The following BANK1 variants were observed in gnomAD, a reference collection of about 807,000 sequenced individuals.
The protein encoded by BANK1 is B cell scaffold protein with ankyrin repeats 1.
BANK1 carries 95 observed loss-of-function variants against 94.5 expected under a neutral mutation model. The ratio of observed to expected loss-of-function variants is 1.00; its 90% CI spans 0.85 to 1.19. The LOEUF is 1.19. BANK1 is among the 50% of genes most tolerant of loss of function. The pLI is 0.00. For synonymous variants in BANK1, 334 were observed against 308.4 expected, an observed-to-expected ratio of 1.08 and a Z score of -0.87; for missense variants, 987 against 932.2, an observed-to-expected ratio of 1.06 and a Z score of -0.77.
intron 1 of BANK1, among the ~76,000 whole-genome samples, chr4:101,823,558 T>C (rs1726253376): frequency 2.0e-5 from 3 of 152,208 alleles, no homozygotes; most frequent in Non-Finnish European, 4.4e-5. Flanking sequence ...TTGTGTTTTA[T>C]TCAATTTTAT....
At chr4:101,791,530 G>T (rs1428895768) in intron 1 of BANK1, among the ~76,000 whole-genome samples, 1 of 152,132 alleles carries the variant, frequency 6.6e-6, no homozygotes, top group Admixed American at 6.5e-5. Flanking sequence ...TGCAGAAGTA[G>T]ATTTATATTT....
At chr4:101,839,943 T>A (rs1726973036) in intron 2 of BANK1, among the ~76,000 whole-genome samples, 287 of 14,690 alleles carry the variant, frequency 0.02, 18 homozygotes, top group African/African-American at 0.087. Flanking sequence ...TTTAATTTTT[T>A]TTTTTTTTTT....
intron 4 of BANK1, among the ~76,000 whole-genome samples, chr4:101,863,849 G>C (rs530455835): frequency 1.3e-5 from 2 of 152,136 alleles, no homozygotes; most frequent in South Asian, 2.1e-4. Context: ...AATTTAGTTA[G>C]ACTAAAGACA....
chr4:101,985,364 T>C (rs1725447561), intron 7 of BANK1, among the ~76,000 whole-genome samples: 1 of 152,158 alleles, frequency 6.6e-6, no homozygotes, highest in African/African-American at 2.4e-5. Flanking sequence ...AAAAACGCCT[T>C]CACAGATCCA....
At position 101,981,146 on chromosome 4, in the gene BANK1, C is replaced by T. The variant is rs1024523280; in HGVS notation, c.1207-40368C>T. Among the ~76,000 whole-genome samples the T allele has an allele frequency of 4.6e-5, 7 of 151,962 alleles. No homozygotes were observed. In the East Asian group the frequency reaches 7.7e-4, roughly 17 times the overall value. Reference sequence around the variant, plus strand: ...ATAGTGGGCATCCTTGCCTTGTTTCCAACTTTAGTGAAAATGCCTCTATTA... The same window carrying T: ...ATAGTGGGCATCCTTGCCTTGTTTCTAACTTTAGTGAAAATGCCTCTATTA... On this transcript the variant is annotated intron_variant, in intron 7 of 16. Transcript: ENST00000322953.
chr4:102,071,804 G>C (rs1728772055), intron 14 of BANK1, among the ~76,000 whole-genome samples: 1 of 152,176 alleles, frequency 6.6e-6, no homozygotes, highest in Non-Finnish European at 1.5e-5. Context: ...TAGTAAGGAG[G>C]AGCTAGACGT....
At chr4:101,890,159 T>G (rs754095757) in intron 5 of BANK1, among the ~76,000 whole-genome samples, 5 of 152,176 alleles carry the variant, frequency 3.3e-5, no homozygotes, top group Non-Finnish European at 7.4e-5. Context: ...GTGGTCTATG[T>G]ATGTGGATTG....
intron 7 of BANK1, among the ~76,000 whole-genome samples, chr4:101,921,583 C>A (rs1346162808): frequency 6.6e-6 from 1 of 151,828 alleles, no homozygotes; most frequent in African/African-American, 2.4e-5. Context: ...ATATGTCACC[C>A]CATCCATTCC....
chr4:101,855,678 G>A (rs1381520850), intron 3 of BANK1, among the ~76,000 whole-genome samples: 1 of 152,152 alleles, frequency 6.6e-6, no homozygotes, highest in African/African-American at 2.4e-5. Context: ...CAGTAAATAG[G>A]TTAAGGATCT....
At chr4:101,907,992 A>C (rs1238713092) in intron 6 of BANK1, among the ~76,000 whole-genome samples, 1 of 152,182 alleles carries the variant, frequency 6.6e-6, no homozygotes, top group Non-Finnish European at 1.5e-5. Flanking sequence ...AAGGTAATTT[A>C]TAGATTCAAT....
At chr4:101,969,444 A>C (rs754355149) in intron 7 of BANK1, among the ~76,000 whole-genome samples, 3 of 152,110 alleles carry the variant, frequency 2.0e-5, no homozygotes, top group Non-Finnish European at 4.4e-5. Context: ...TTATTTGATT[A>C]ATGTGCATAG....
intron 1 of BANK1, among the ~76,000 whole-genome samples, chr4:101,792,498 C>G (rs1725030800): frequency 6.7e-6 from 1 of 148,428 alleles, no homozygotes; most frequent in Admixed American, 6.7e-5. Flanking sequence ...AGAGCTCCCT[C>G]TCTCTCCAAC....
intron 7 of BANK1, among the ~76,000 whole-genome samples, chr4:102,000,322 CAAAAAAAA>C (rs3974642): frequency 1.5e-5 from 1 of 66,102 alleles, no homozygotes; most frequent in Non-Finnish European, 2.8e-5. Context: ...AACTCTGTCT[CAAAAAAAA>C]AAAAAAAAAA....
chr4:101,976,007 C>T (rs1725114184), intron 7 of BANK1, among the ~76,000 whole-genome samples: 2 of 152,068 alleles, frequency 1.3e-5, no homozygotes, highest in East Asian at 1.9e-4. Flanking sequence ...ATATCCTCCC[C>T]AAACCAGGGG....
At chr4:102,025,958 G>C (rs1727079558) in intron 9 of BANK1, among the ~76,000 whole-genome samples, 1 of 152,206 alleles carries the variant, frequency 6.6e-6, no homozygotes, top group Non-Finnish European at 1.5e-5. Context: ...AAATGCTAAT[G>C]ATCGACAATT....
intron 7 of BANK1, among the ~76,000 whole-genome samples, chr4:101,932,127 C>T (rs1322810365): frequency 6.6e-6 from 1 of 151,362 alleles, no homozygotes; most frequent in Non-Finnish European, 1.5e-5. Context: ...ATGTTAAATG[C>T]CTTGCAATGT....
chr4:101,855,966 A>G (rs1180505608), intron 3 of BANK1, among the ~76,000 whole-genome samples: 1 of 152,204 alleles, frequency 6.6e-6, no homozygotes. Context: ...ATCTGACTAT[A>G]TAATCTTAGG....
intron 2 of BANK1, among the ~76,000 whole-genome samples, chr4:101,852,604 A>G (rs979217560): frequency 6.7e-6 from 1 of 150,342 alleles, no homozygotes; most frequent in African/African-American, 2.4e-5. Flanking sequence ...CTAGAATAGG[A>G]GCCTACTAAA....
intron 7 of BANK1, among the ~76,000 whole-genome samples, chr4:102,003,335 G>A (rs1024117494): frequency 6.6e-6 from 1 of 152,160 alleles, no homozygotes; most frequent in African/African-American, 2.4e-5. Context: ...TTTAGCAGGG[G>A]AGGCTCATCT....
Sources: gnomAD v4.1 joint callset for allele counts (sites outside exome capture counted in the v4.1 genomes callset) on GRCh38, gnomAD v4.1.1 for gene constraint, MANE v1.5 for transcripts, NCBI Gene and HGNC (gene_info 2026-07-23, HGNC 2026-07-21) for gene names.